Variants in RNF169 observed in about 807,000 individuals in gnomAD.
RNF169 encodes E3 ubiquitin-protein ligase RNF169.
A neutral mutation model predicts 53.9 loss-of-function variants in RNF169; 24 were observed. The observed-to-expected ratio is 0.45, with a 90% CI of 0.32 to 0.63. RNF169 has a LOEUF of 0.63. RNF169 is among the 20% of genes least tolerant of loss of function. The pLI, the probability that RNF169 is intolerant of heterozygous loss-of-function variation, is 0.04. For missense variants in RNF169, 883 were observed against 906.2 expected (o/e 0.97, Z 0.33); for synonymous variants, 396 against 363.5 (o/e 1.09, Z -1.02).
intron 4 of RNF169, among the ~76,000 whole-genome samples, chr11:74,825,478 A>T (rs1218333800): frequency 6.6e-6 from 1 of 152,220 alleles, no homozygotes; most frequent in East Asian, 1.9e-4. Flanking sequence ...TCAATAGACC[A>T]ATAATGAGTT....
At chr11:74,815,218 C>T (rs1420561001) in intron 3 of RNF169, among the ~76,000 whole-genome samples, 1 of 152,090 alleles carries the variant, frequency 6.6e-6, no homozygotes, top group Non-Finnish European at 1.5e-5. Context: ...TTTGTCTGAA[C>T]AATTAGTTAT....
At position 74,785,197 on chromosome 11, in the gene RNF169, GATATATATATATGATATATA is replaced by G. The variant is rs1565176497; in HGVS notation, c.503-4428_503-4409del. Among the ~76,000 whole-genome samples the G allele has an allele frequency of 4.4e-3, 486 of 111,072 alleles. 4 individuals are homozygous for G. Among genetic ancestry groups the G allele is most frequent in the African/African-American group, 0.024 (465 of 19,454 alleles). The allele number at this position is 111,072 out of a possible 152,430, so 72.9% of individuals were successfully genotyped here. A position where few individuals can be genotyped will look rare whatever the true frequency, so the allele number is the denominator to read the frequency against. ...TGATATATATATATGATATATATATGATATATATATATGATATATATATGTTATATATATTATATATATGT... is the reference window on the plus strand; with the variant it reads ...TGATATATATATATGATATATATATGTATGTTATATATATTATATATATGT... On this transcript the variant is annotated intron_variant, in intron 1 of 5. Transcript: ENST00000299563.
chr11:74,841,089 T>C lies in RNF169; in HGVS notation c.*4359T>C, dbSNP rs2036468688. On this transcript the variant is annotated 3_prime_UTR_variant, in exon 6 of 6. Transcript: ENST00000299563. Reference sequence around the variant, plus strand: ...ATGTGGAATCTTGGAAAGTGATATATTTTGATTGGAATAATTTTAATTAAA... The same window carrying C: ...ATGTGGAATCTTGGAAAGTGATATACTTTGATTGGAATAATTTTAATTAAA... 6.6e-6 allele frequency: 1 copy of C among 152,108 alleles called. No homozygotes were observed. The highest frequency in any genetic ancestry group is 2.4e-5 in the African/African-American group (1 of 41,404). The allele number at this position is 152,108 out of a possible 1,614,324, so 9.4% of individuals were successfully genotyped here.
chr11:74,790,083 C>T (rs1480589094), intron 2 of RNF169, among the ~76,000 whole-genome samples: 3 of 152,206 alleles, frequency 2.0e-5, no homozygotes, highest in Admixed American at 2.0e-4. Flanking sequence ...TTATTGCTCA[C>T]TCCATTAAAT....
At chr11:74,821,186 C>A (rs2036004762) in intron 4 of RNF169, among the ~76,000 whole-genome samples, 1 of 152,160 alleles carries the variant, frequency 6.6e-6, no homozygotes. Context: ...GCTCTCCTTC[C>A]ATTTTTTAAA....
chr11:74,820,265 C>T (rs1028465835), intron 4 of RNF169, among the ~76,000 whole-genome samples: 2 of 152,222 alleles, frequency 1.3e-5, no homozygotes, highest in African/African-American at 4.8e-5. Context: ...GCATTGTGAC[C>T]TTGAGTAAAA....
At chr11:74,754,150 G>A (rs1354327291) in intron 1 of RNF169, among the ~76,000 whole-genome samples, 1 of 152,140 alleles carries the variant, frequency 6.6e-6, no homozygotes, top group Non-Finnish European at 1.5e-5. Context: ...ATTAGTGAAT[G>A]AAATATTAAA....
chr11:74,814,311 C>CAG (rs1435401980), intron 3 of RNF169, among the ~76,000 whole-genome samples: 1 of 150,272 alleles, frequency 6.7e-6, no homozygotes, highest in Admixed American at 6.6e-5. Context: ...GCCTGGGTGA[C>CAG]AGAGTGAGAC....
chr11:74,808,303 A>G (rs774342680), intron 2 of RNF169: 1 of 152,238 alleles, frequency 6.6e-6, no homozygotes, highest in Non-Finnish European at 1.5e-5. Flanking sequence ...ACCAAACAAA[A>G]TAACACTAAG....
intron 1 of RNF169, among the ~76,000 whole-genome samples, chr11:74,761,226 C>T (rs1187149534): frequency 6.9e-6 from 1 of 145,586 alleles, no homozygotes. Context: ...AGATGGGTTT[C>T]CTGAATACAG....
intron 4 of RNF169, among the ~76,000 whole-genome samples, chr11:74,819,250 C>T (rs1014499632): frequency 6.6e-6 from 1 of 151,992 alleles, no homozygotes; most frequent in Admixed American, 6.6e-5. Context: ...CTGAAAAGGA[C>T]CTTAAATATC....
At chr11:74,800,846 C>G (rs1465120330) in intron 2 of RNF169, among the ~76,000 whole-genome samples, 1 of 151,932 alleles carries the variant, frequency 6.6e-6, no homozygotes, top group Non-Finnish European at 1.5e-5. Context: ...AGCAAGTGTC[C>G]CCCTCTTCAT....
intron 1 of RNF169, among the ~76,000 whole-genome samples, chr11:74,785,949 T>C (rs2035494983): frequency 6.7e-6 from 1 of 150,088 alleles, no homozygotes; most frequent in African/African-American, 2.4e-5. Context: ...TTCTTTTTTT[T>C]TTTTTTTTTT....
chr11:74,749,716 G>C (rs557126537), intron 1 of RNF169, among the ~76,000 whole-genome samples: 1 of 152,190 alleles, frequency 6.6e-6, no homozygotes, highest in African/African-American at 2.4e-5. Flanking sequence ...AGAAGTGCTT[G>C]GTTTAATGTT....
intron 2 of RNF169, among the ~76,000 whole-genome samples, chr11:74,797,748 G>A (rs1452927726): frequency 1.3e-5 from 2 of 152,184 alleles, no homozygotes; most frequent in South Asian, 2.1e-4. Flanking sequence ...CGGAGGCTGA[G>A]GTAGAAGGAT....
At chr11:74,807,101 A>C (rs1229000444) in intron 2 of RNF169, among the ~76,000 whole-genome samples, 1 of 152,046 alleles carries the variant, frequency 6.6e-6, no homozygotes, top group African/African-American at 2.4e-5. Context: ...AAATGACCTC[A>C]TTTACAGTAG....
intron 4 of RNF169, among the ~76,000 whole-genome samples, chr11:74,827,523 A>G (rs560672997): frequency 6.6e-6 from 1 of 152,110 alleles, no homozygotes; most frequent in African/African-American, 2.4e-5. Flanking sequence ...CAGACTGGAA[A>G]TTTTCCAAAC....
chr11:74,807,082 A>G (rs563931411), intron 2 of RNF169, among the ~76,000 whole-genome samples: 86 of 152,294 alleles, frequency 5.6e-4, no homozygotes, highest in African/African-American at 2.0e-3. Context: ...CTGAAAATGG[A>G]AGCAGTAAAA....
intron 1 of RNF169, among the ~76,000 whole-genome samples, chr11:74,750,963 C>T (rs2034884842): frequency 6.7e-6 from 1 of 148,862 alleles, no homozygotes; most frequent in Admixed American, 6.8e-5. Context: ...CAACCTCTGC[C>T]TCCCAGGTTC....
Sources: gnomAD v4.1 joint callset for allele counts (sites outside exome capture counted in the v4.1 genomes callset) on GRCh38, gnomAD v4.1.1 for gene constraint, MANE v1.5 for transcripts, NCBI Gene and HGNC (gene_info 2026-07-23, HGNC 2026-07-21) for gene names.